Variants in ANKRD12 observed in about 807,000 individuals in gnomAD.
ANKRD12 encodes the protein ankyrin repeat domain 12.
ANKRD12 carries 85 observed loss-of-function variants against 183.4 expected under a neutral mutation model. The observed-to-expected ratio is 0.46, with a 90% CI of 0.39 to 0.56. The LOEUF (loss-of-function observed/expected upper bound fraction) is 0.56, where lower values mean the gene tolerates loss of function less well. ANKRD12 is among the 20% of genes least tolerant of loss of function. ANKRD12 has a pLI of 0.00. For missense variants in ANKRD12, 2,405 were observed against 2,357.1 expected, an observed-to-expected ratio of 1.02 and a Z score of -0.42; for synonymous variants, 914 against 800.2, an observed-to-expected ratio of 1.14 and a Z score of -2.40.
chr18:9,180,283 T>A (rs931137941), intron 1 of ANKRD12, among the ~76,000 whole-genome samples: 5 of 152,210 alleles, frequency 3.3e-5, no homozygotes, highest in African/African-American at 9.6e-5. Context: ...GCTTTCTTTC[T>A]AAGCACTTGG....
chr18:9,184,103 GTTA>G (rs2033882297), intron 2 of ANKRD12, among the ~76,000 whole-genome samples: 1 of 151,948 alleles, frequency 6.6e-6, no homozygotes, highest in African/African-American at 2.4e-5. Context: ...CTTCCTTTGT[GTTA>G]TTTATATAAC....
At chr18:9,263,055 C>A (rs994196029) in intron 9 of ANKRD12, among the ~76,000 whole-genome samples, 2 of 152,176 alleles carry the variant, frequency 1.3e-5, no homozygotes, top group African/African-American at 2.4e-5. Context: ...CTTGGCCTCC[C>A]AAAGTGCTGG....
At position 9,256,355 on chromosome 18, in the gene ANKRD12, C is replaced by G; in HGVS notation, c.3088C>G (p.Arg1030Gly). ...TAAAGATATAGATAGATACAAAGAA[C>G]GAGACAAACATAAAGATAAAATTCA... ...KDKDIDRYKE[R>G]DKHKDKIQIN... is the part of the protein sequence containing the mutation. Residue 1030 changes from arginine (R) to glycine (G), a missense_variant, in exon 9 of 13, where the codon CGA (arginine) becomes GGA (glycine). Around this residue, in one of 7 missense-constraint regions of ANKRD12, gnomAD observed 1,983 missense variants for 1,725.9 expected, o/e 1.15. Coordinates refer to ENST00000262126, the MANE Select transcript of ANKRD12 (RefSeq NM_015208.5). 3 of 1,595,726 alleles carry G rather than the reference C, an allele frequency of 1.9e-6. No homozygotes were observed. The highest frequency in any genetic ancestry group is 2.6e-6 in the Non-Finnish European group (3 of 1,171,736).
intron 1 of ANKRD12, among the ~76,000 whole-genome samples, chr18:9,137,286 C>T (rs1201563329): frequency 2.0e-5 from 3 of 146,382 alleles, no homozygotes; most frequent in African/African-American, 7.4e-5. Context: ...GCCAACTGGG[C>T]GGGGGCGCTG....
At chr18:9,239,974 A>G (rs2037566893) in intron 8 of ANKRD12, among the ~76,000 whole-genome samples, 1 of 152,202 alleles carries the variant, frequency 6.6e-6, no homozygotes, top group Non-Finnish European at 1.5e-5. Context: ...CCCTCAAGAT[A>G]AGGAGCTTGT....
At position 9,255,093 on chromosome 18, in the gene ANKRD12, A is replaced by G; in HGVS notation, c.1826A>G (p.Gln609Arg). The stretch of plus-strand genomic sequence containing the variant: ...AAGCATAAGGAAAAAAGCAAACATC[A>G]GAAAGATTTCCACTTAGAATTTGGT... ...SCKHKEKSKH[Q>R]KDFHLEFGEK... is the part of the protein sequence containing the mutation. The change falls in exon 9 of 13, where the codon CAG becomes CGG. Residue 609 changes from glutamine (Q) to arginine (R), a missense_variant. This residue lies in a region of ANKRD12 where 1,983 missense variants were observed against 1,725.9 expected (regional missense o/e 1.15). Transcript: ENST00000262126. 6.3e-7 allele frequency: 1 copy of G among 1,580,264 alleles called. No individual in the cohort carries two copies. The highest frequency in any genetic ancestry group is 8.6e-7 in the Non-Finnish European group (1 of 1,169,572).
chr18:9,268,367 C>T (rs539357393), intron 10 of ANKRD12, among the ~76,000 whole-genome samples: 6 of 152,296 alleles, frequency 3.9e-5, no homozygotes, highest in Admixed American at 3.3e-4. Flanking sequence ...ATGCAAAAAT[C>T]CTCAATAAAA....
chr18:9,214,977 G>A (rs1051228681), intron 6 of ANKRD12, among the ~76,000 whole-genome samples: 1 of 152,062 alleles, frequency 6.6e-6, no homozygotes, highest in South Asian at 2.1e-4. Flanking sequence ...CTAAAGCTGG[G>A]GAATTTAACG....
intron 5 of ANKRD12, among the ~76,000 whole-genome samples, chr18:9,210,443 G>A (rs2035730079): frequency 6.6e-6 from 1 of 151,676 alleles, no homozygotes; most frequent in Non-Finnish European, 1.5e-5. Context: ...AGGTAGGGCC[G>A]GGCATGGTAG....
At chr18:9,169,673 C>T (rs1374455844) in intron 1 of ANKRD12, among the ~76,000 whole-genome samples, 2 of 152,120 alleles carry the variant, frequency 1.3e-5, no homozygotes, top group African/African-American at 2.4e-5. Flanking sequence ...TCCAATTTGC[C>T]AGTCTGTGTC....
At chr18:9,264,358 T>C (rs1223265997) in intron 10 of ANKRD12, among the ~76,000 whole-genome samples, 1 of 152,226 alleles carries the variant, frequency 6.6e-6, no homozygotes, top group African/African-American at 2.4e-5. Context: ...TTATAGGAAT[T>C]ATAAGTCATT....
chr18:9,162,930 T>C (rs1353342311), intron 1 of ANKRD12, among the ~76,000 whole-genome samples: 1 of 152,204 alleles, frequency 6.6e-6, no homozygotes, highest in African/African-American at 2.4e-5. Context: ...CCTTGTAGAC[T>C]CTGGATATTA....
Position 9,285,825 on chromosome 18 carries a change from A to G in ANKRD12, c.*4699A>G, listed in dbSNP as rs2040205338. The stretch of plus-strand genomic sequence containing the variant: ...CTTGTCTGCCTTGTTTCTCAACATG[A>G]TGTTTTGAAATTCATCCATGTTGCA... On this transcript the variant is annotated 3_prime_UTR_variant, in exon 13 of 13. Transcript: ENST00000262126. The G allele has an allele frequency of 6.6e-6, 1 of 152,092 alleles. No individual in the cohort carries two copies. Among genetic ancestry groups the G allele is most frequent in the East Asian group, 1.9e-4 (1 of 5,196 alleles). 9.4% of individuals were successfully genotyped at this position (152,092 alleles called of 1,614,324 possible).
chr18:9,275,735 C>CT, intron 11 of ANKRD12, 68 bp downstream of exon 11: 2 of 1,383,252 alleles, frequency 1.4e-6, no homozygotes, highest in South Asian at 1.7e-5. Flanking sequence ...TTTTTAGAAT[C>CT]TATTTCCATA....
chr18:9,249,363 A>G (rs926705510), intron 8 of ANKRD12, among the ~76,000 whole-genome samples: 1 of 152,202 alleles, frequency 6.6e-6, no homozygotes, highest in Non-Finnish European at 1.5e-5. Flanking sequence ...TGATGCTTTG[A>G]TAAGTTTACA....
At chr18:9,266,339 G>A (rs1178204694) in intron 10 of ANKRD12, among the ~76,000 whole-genome samples, 13 of 152,124 alleles carry the variant, frequency 8.5e-5, no homozygotes, top group Non-Finnish European at 1.8e-4. Context: ...TTGAAATGAA[G>A]GAAAAAATGT....
chr18:9,280,826 C>A, intron 12 of ANKRD12, 115 bp from the exon 13 acceptor site: 4 of 906,200 alleles, frequency 4.4e-6, no homozygotes, highest in African/African-American at 1.7e-5. Context: ...AATTCAAATG[C>A]TTTTTATGCT....
chr18:9,204,248 A>G (rs2035351914), intron 3 of ANKRD12, among the ~76,000 whole-genome samples: 1 of 152,250 alleles, frequency 6.6e-6, no homozygotes, highest in Admixed American at 6.5e-5. Flanking sequence ...TTGAAACTGC[A>G]TGGTTGAATT....
At chr18:9,183,803 A>G (rs1297919356) in intron 2 of ANKRD12, among the ~76,000 whole-genome samples, 1 of 152,084 alleles carries the variant, frequency 6.6e-6, no homozygotes, top group Non-Finnish European at 1.5e-5. Flanking sequence ...TAATGTAATT[A>G]TTGCTATGAC....
Sources: gnomAD v4.1 joint callset for allele counts (sites outside exome capture counted in the v4.1 genomes callset) on GRCh38, gnomAD v4.1.1 for gene constraint, gnomAD v4.1.1 regional missense constraint, MANE v1.5 for transcripts, NCBI Gene and HGNC (gene_info 2026-07-23, HGNC 2026-07-21) for gene names.